NCKAP5: variants seen among roughly 807,000 people sequenced by gnomAD.
NCKAP5 encodes the protein nck-associated protein 5.
In NCKAP5, 92 loss-of-function variants were observed where a neutral mutation model predicts 167.0. That is an observed-to-expected ratio of 0.55 (90% confidence interval 0.47 to 0.66). The LOEUF (loss-of-function observed/expected upper bound fraction) is 0.66, where lower values mean the gene tolerates loss of function less well. NCKAP5 is among the 30% of genes least tolerant of loss of function. The probability of loss-of-function intolerance (pLI) is 0.00; values close to 1 mark genes in which losing one functional copy is unlikely to be tolerated. For missense variants in NCKAP5, 2,378 were observed against 2,315.0 expected, an observed-to-expected ratio of 1.03 and a Z score of -0.56; for synonymous variants, 891 against 877.4, an observed-to-expected ratio of 1.02 and a Z score of -0.27.
intron 16 of NCKAP5, among the ~76,000 whole-genome samples, chr2:132,771,559 T>C (rs1188883534): frequency 6.6e-6 from 1 of 152,202 alleles, no homozygotes; most frequent in Non-Finnish European, 1.5e-5. Flanking sequence ...TACAGTAGTG[T>C]AAGGTGATGT....
At chr2:133,262,792 C>T (rs1483205852) in intron 4 of NCKAP5, among the ~76,000 whole-genome samples, 1 of 152,146 alleles carries the variant, frequency 6.6e-6, no homozygotes, top group Non-Finnish European at 1.5e-5. Flanking sequence ...TATGAAATGG[C>T]ACAGTTCCAC....
At chr2:133,323,602 C>T (rs1007584806) in intron 3 of NCKAP5, among the ~76,000 whole-genome samples, 5 of 152,216 alleles carry the variant, frequency 3.3e-5, no homozygotes, top group Non-Finnish European at 7.3e-5. Flanking sequence ...TGTGTTCCAG[C>T]TCTCATTAGT....
chr2:133,670,445 T>C, the NCKAP5 span, among the ~76,000 whole-genome samples: 12 of 152,230 alleles, frequency 7.9e-5, no homozygotes, highest in Non-Finnish European at 1.5e-4. Flanking sequence ...TTTCTCAGGA[T>C]AACTCATATA....
At chr2:133,335,685 T>G (rs984375739) in intron 3 of NCKAP5, among the ~76,000 whole-genome samples, 1 of 152,200 alleles carries the variant, frequency 6.6e-6, no homozygotes, top group Non-Finnish European at 1.5e-5. Flanking sequence ...CATTAAAAGA[T>G]CCATTAAAAG....
intron 6 of NCKAP5, among the ~76,000 whole-genome samples, chr2:133,090,098 G>T (rs771518646): frequency 1.3e-5 from 2 of 151,806 alleles, no homozygotes; most frequent in African/African-American, 2.4e-5. Flanking sequence ...CCAGGTATGT[G>T]TCTCATGCCT....
chr2:132,793,826 C>T (rs1311519506), intron 12 of NCKAP5, among the ~76,000 whole-genome samples: 2 of 152,154 alleles, frequency 1.3e-5, no homozygotes, highest in African/African-American at 4.8e-5. Context: ...GAAATTCTCC[C>T]ACTTCCCCCA....
chr2:133,530,428 G>A (rs1035438815), intron 2 of NCKAP5, among the ~76,000 whole-genome samples: 5 of 152,080 alleles, frequency 3.3e-5, no homozygotes, highest in Non-Finnish European at 7.4e-5. Context: ...ATCAACTTGA[G>A]AATCAGCTCA....
At chr2:132,855,618 C>T (rs1220321905) in intron 11 of NCKAP5, among the ~76,000 whole-genome samples, 4 of 152,148 alleles carry the variant, frequency 2.6e-5, no homozygotes, top group African/African-American at 9.7e-5. Context: ...CTCCCAACTC[C>T]TTCTTAGTTT....
intron 6 of NCKAP5, among the ~76,000 whole-genome samples, chr2:133,092,840 T>C (rs1056072258): frequency 3.3e-5 from 5 of 152,286 alleles, no homozygotes; most frequent in African/African-American, 7.2e-5. Flanking sequence ...GTTCCAGCCA[T>C]TGGCTAATGA....
At chr2:133,235,773 A>G (rs13414129) in intron 4 of NCKAP5, among the ~76,000 whole-genome samples, 37,718 of 151,532 alleles carry the variant, frequency 0.25, 5,163 homozygotes, top group African/African-American at 0.38. Context: ...GCATGGTGGC[A>G]TGCACCTGTA....
In NCKAP5 at chr2:133,549,064, G is replaced by T. The variant is rs1400206998; in HGVS notation, c.-62+9986C>A. Among the ~76,000 whole-genome samples the T allele has an allele frequency of 5.0e-3, 750 of 151,420 alleles. 2 individuals are homozygous for T. The highest frequency in any genetic ancestry group is 0.017 in the African/African-American group (714 of 41,230). ...CCAAGCAAATGGAAAACAAAAAAAG[G>T]CAGGGGTTGCAATCCTAGTCTCTGA... On this transcript the variant is annotated intron_variant, in intron 2 of 19. Transcript: ENST00000409261.
intron 7 of NCKAP5, among the ~76,000 whole-genome samples, chr2:132,965,459 A>G (rs1265071549): frequency 6.6e-6 from 1 of 152,234 alleles, no homozygotes; most frequent in Non-Finnish European, 1.5e-5. Context: ...GACTGTAAGT[A>G]AACACTAACT....
At chr2:133,036,074 A>T (rs541525805) in intron 6 of NCKAP5, among the ~76,000 whole-genome samples, 1 of 151,984 alleles carries the variant, frequency 6.6e-6, no homozygotes, top group East Asian at 1.9e-4. Flanking sequence ...GGAAAAATCT[A>T]GAAGAAATGG....
chr2:133,428,678 C>T (rs563901168), intron 3 of NCKAP5, among the ~76,000 whole-genome samples: 2 of 152,160 alleles, frequency 1.3e-5, no homozygotes, highest in East Asian at 3.9e-4. Flanking sequence ...AGCTAAAACA[C>T]CCAAAATATT....
chr2:132,873,986 A>G lies in NCKAP5; in HGVS notation c.648+4862T>C, dbSNP rs182702861. 3.2e-4 allele frequency among the ~76,000 whole-genome samples: 49 copies of G among 152,308 alleles called. 1 individual carries two copies. In the East Asian group the frequency reaches 8.9e-3, roughly 28 times the overall value. On this transcript the variant is annotated intron_variant, in intron 9 of 19. Coordinates refer to ENST00000409261, the MANE Select transcript of NCKAP5 (RefSeq NM_207363.3). ...GGAAACAAATACAGGGACTGCCTCCAGGGCGATAGAATCTGGAGCAAACAA... is the reference window on the plus strand; with the variant it reads ...GGAAACAAATACAGGGACTGCCTCCGGGGCGATAGAATCTGGAGCAAACAA...
At chr2:133,578,444 G>A in the NCKAP5 span, among the ~76,000 whole-genome samples, 1 of 152,164 alleles carries the variant, frequency 6.6e-6, no homozygotes, top group Non-Finnish European at 1.5e-5. Flanking sequence ...GTCCCTTGTC[G>A]GGGAGCAGGA....
chr2:132,869,236 A>G (rs1457766151), intron 9 of NCKAP5, among the ~76,000 whole-genome samples: 1 of 152,182 alleles, frequency 6.6e-6, no homozygotes, highest in Admixed American at 6.5e-5. Context: ...TCACATTTCC[A>G]TATTTGGAAA....
At chr2:133,565,587 A>G (rs1688488352) in intron 1 of NCKAP5, among the ~76,000 whole-genome samples, 1 of 152,210 alleles carries the variant, frequency 6.6e-6, no homozygotes, top group South Asian at 2.1e-4. Context: ...GCTGTGCTGC[A>G]TAGTGAAGAC....
At chr2:133,110,463 G>A (rs2081869889) in intron 6 of NCKAP5, among the ~76,000 whole-genome samples, 2 of 152,302 alleles carry the variant, frequency 1.3e-5, no homozygotes, top group South Asian at 4.1e-4. Flanking sequence ...GGACACTGGG[G>A]AGGAGGGAGA....
Sources: gnomAD v4.1 joint callset for allele counts (sites outside exome capture counted in the v4.1 genomes callset) on GRCh38, gnomAD v4.1.1 for gene constraint, MANE v1.5 for transcripts, NCBI Gene and HGNC (gene_info 2026-07-23, HGNC 2026-07-21) for gene names.